The following MNAT1 variants were observed in gnomAD, a reference collection of about 807,000 sequenced individuals.
The protein encoded by MNAT1 is CDK-activating kinase assembly factor MAT1.
Under a neutral mutation model 42.0 loss-of-function variants are expected in MNAT1, and 43 were observed. The ratio of observed to expected loss-of-function variants is 1.02; its 90% confidence interval spans 0.80 to 1.32. The LOEUF (loss-of-function observed/expected upper bound fraction) is 1.32, where lower values mean the gene tolerates loss of function less well. Ranked by LOEUF, MNAT1 falls within the 40% of genes most tolerant of loss-of-function variation. MNAT1 has a pLI of 0.00. For synonymous variants in MNAT1, 118 were observed against 120.0 expected, an observed-to-expected ratio of 0.98 and a Z score of 0.11; for missense variants, 306 against 350.4, an observed-to-expected ratio of 0.87 and a Z score of 1.01.
intron 7 of MNAT1, among the ~76,000 whole-genome samples, chr14:60,954,953 C>CT (rs996067685): frequency 6.6e-6 from 1 of 151,744 alleles, no homozygotes; most frequent in Non-Finnish European, 1.5e-5. Context: ...TTGTTAAATG[C>CT]TTTTTTTATA....
chr14:60,772,668 G>A (rs8020235), intron 1 of MNAT1, among the ~76,000 whole-genome samples: 143,978 of 151,954 alleles, frequency 0.95, 68,473 homozygotes, highest in Non-Finnish European at 0.99. Flanking sequence ...AGAAACTCAG[G>A]TTGCATTAGT....
At chr14:60,747,939 G>A (rs1405123773) in intron 1 of MNAT1, among the ~76,000 whole-genome samples, 3 of 152,190 alleles carry the variant, frequency 2.0e-5, no homozygotes, top group Non-Finnish European at 4.4e-5. Context: ...GCTCACACCT[G>A]TAATCCTAGC....
intron 1 of MNAT1, among the ~76,000 whole-genome samples, chr14:60,755,325 GT>G (rs1271176739): frequency 2.6e-5 from 4 of 152,158 alleles, no homozygotes; most frequent in African/African-American, 9.7e-5. Flanking sequence ...TGTATTTTTA[GT>G]GGAGACGGGG....
chr14:60,951,865 T>C (rs1227521285), intron 7 of MNAT1, among the ~76,000 whole-genome samples: 1 of 152,156 alleles, frequency 6.6e-6, no homozygotes, highest in Non-Finnish European at 1.5e-5. Context: ...CATATTTGCT[T>C]CTGACAAATT....
chr14:60,779,353 A>C (rs1463711307), intron 1 of MNAT1, among the ~76,000 whole-genome samples: 2 of 152,222 alleles, frequency 1.3e-5, no homozygotes, highest in Non-Finnish European at 2.9e-5. Context: ...TTACACCAGC[A>C]TAAGTGCTAG....
intron 7 of MNAT1, among the ~76,000 whole-genome samples, chr14:60,957,791 A>G (rs1228171814): frequency 6.6e-6 from 1 of 152,010 alleles, no homozygotes; most frequent in Non-Finnish European, 1.5e-5. Context: ...GTGTTAGGGT[A>G]TTCTGAATTT....
intron 7 of MNAT1, among the ~76,000 whole-genome samples, chr14:60,911,122 A>G (rs1336149921): frequency 6.6e-6 from 1 of 152,058 alleles, no homozygotes; most frequent in African/African-American, 2.4e-5. Flanking sequence ...AGAGGTGTTT[A>G]TAGTATTCTC....
chr14:60,844,936 ATTAAC>A (rs2033646414), intron 6 of MNAT1, among the ~76,000 whole-genome samples: 1 of 152,048 alleles, frequency 6.6e-6, no homozygotes, highest in African/African-American at 2.4e-5. Context: ...ATTTTTATAT[ATTAAC>A]TTTGCATTCT....
intron 1 of MNAT1, among the ~76,000 whole-genome samples, chr14:60,782,676 T>C (rs905433161): frequency 5.3e-5 from 8 of 152,188 alleles, no homozygotes; most frequent in African/African-American, 1.9e-4. Context: ...GTAAATCTCA[T>C]CAGCTCTGAA....
intron 1 of MNAT1, among the ~76,000 whole-genome samples, chr14:60,758,847 T>G (rs779478190): frequency 1.3e-5 from 2 of 152,174 alleles, no homozygotes; most frequent in Non-Finnish European, 2.9e-5. Context: ...ATGTAAGATT[T>G]TAATTTTTTA....
At chr14:60,919,074 A>C (rs2035595840) in intron 7 of MNAT1, among the ~76,000 whole-genome samples, 1 of 151,958 alleles carries the variant, frequency 6.6e-6, no homozygotes, top group Admixed American at 6.6e-5. Flanking sequence ...AGACAGACAC[A>C]CAGACAGTCT....
intron 1 of MNAT1, among the ~76,000 whole-genome samples, chr14:60,747,539 T>TA (rs1294911644): frequency 3.3e-5 from 5 of 152,012 alleles, no homozygotes; most frequent in Non-Finnish European, 7.4e-5. Flanking sequence ...AAAGTTACAG[T>TA]AAAAAAGGAT....
intron 7 of MNAT1, among the ~76,000 whole-genome samples, chr14:60,907,435 C>CAAAA (rs35266802): frequency 1.5e-5 from 1 of 65,088 alleles, no homozygotes. Context: ...TCTGTCTCAC[C>CAAAA]AAAAAAAAAA....
chr14:60,940,188 T>C (rs1295404263), intron 7 of MNAT1, among the ~76,000 whole-genome samples: 1 of 152,196 alleles, frequency 6.6e-6, no homozygotes, highest in Non-Finnish European at 1.5e-5. Flanking sequence ...CTTTATCCAA[T>C]TTGCCAGTCT....
chr14:60,914,191 G>A (rs2035458395), intron 7 of MNAT1, among the ~76,000 whole-genome samples: 1 of 152,176 alleles, frequency 6.6e-6, no homozygotes, highest in East Asian at 1.9e-4. Context: ...GTATTAGGGT[G>A]GGAGTGACCC....
chr14:60,939,429 G>T (rs574070638), intron 7 of MNAT1, among the ~76,000 whole-genome samples: 2 of 152,132 alleles, frequency 1.3e-5, no homozygotes, highest in East Asian at 1.9e-4. Context: ...CTGGTATGTT[G>T]TCTCTCTGTT....
intron 6 of MNAT1, among the ~76,000 whole-genome samples, chr14:60,834,971 T>TCCTC (rs1479847877): frequency 2.1e-5 from 3 of 142,790 alleles, no homozygotes; most frequent in Non-Finnish European, 4.5e-5. Context: ...CTTCCTTCCT[T>TCCTC]CCTTCCTACC....
intron 1 of MNAT1, among the ~76,000 whole-genome samples, chr14:60,784,489 T>C (rs2031578605): frequency 1.3e-5 from 2 of 151,896 alleles, no homozygotes; most frequent in Non-Finnish European, 2.9e-5. Flanking sequence ...GAAAATATTT[T>C]TTCCCCCGCA....
intron 1 of MNAT1, among the ~76,000 whole-genome samples, chr14:60,751,854 T>C (rs1012856852): frequency 2.6e-5 from 4 of 152,064 alleles, no homozygotes; most frequent in Admixed American, 2.0e-4. Context: ...GGTTATATCA[T>C]TGAAAATCAA....
Sources: gnomAD v4.1 joint callset for allele counts (sites outside exome capture counted in the v4.1 genomes callset) on GRCh38, gnomAD v4.1.1 for gene constraint, MANE v1.5 for transcripts, NCBI Gene and HGNC (gene_info 2026-07-23, HGNC 2026-07-21) for gene names.